Variants in DCC observed in about 807,000 individuals in gnomAD.
DCC encodes DCC netrin 1 receptor, also known as netrin receptor DCC.
DCC carries 58 observed loss-of-function variants against 172.5 expected under a neutral mutation model. That is an observed-to-expected ratio of 0.34 (90% confidence interval 0.27 to 0.42). The LOEUF (loss-of-function observed/expected upper bound fraction) is 0.42, where lower values mean the gene tolerates loss of function less well. Among genes scored for constraint, DCC ranks in the 10% least tolerant of loss-of-function variants. DCC has a pLI of 1.00. For missense variants in DCC, 1,740 were observed against 1,791.0 expected (o/e 0.97, Z 0.51); for synonymous variants, 709 against 644.5 (o/e 1.10, Z -1.52).
chr18:53,466,406 G>A (rs538501367), intron 24 of DCC, among the ~76,000 whole-genome samples: 2 of 152,328 alleles, frequency 1.3e-5, no homozygotes, highest in South Asian at 4.1e-4. Context: ...CTTTGTGGCT[G>A]TAGCTTGAGA....
intron 17 of DCC, among the ~76,000 whole-genome samples, chr18:53,396,813 A>C (rs1908974323): frequency 6.6e-6 from 1 of 152,212 alleles, no homozygotes. Flanking sequence ...TGCCAAAAAA[A>C]CCACAGATTT....
At chr18:53,056,495 C>G (rs921167463) in intron 5 of DCC, among the ~76,000 whole-genome samples, 10 of 152,100 alleles carry the variant, frequency 6.6e-5, no homozygotes, top group Non-Finnish European at 1.3e-4. Context: ...ACAATGGCTC[C>G]TTAAAGTGAA....
At position 52,949,729 on chromosome 18, in the gene DCC, A is replaced by G. The variant is rs115440787; in HGVS notation, c.985+24359A>G. On this transcript the variant is annotated intron_variant, in intron 5 of 28. Transcript: ENST00000442544. ...TGAACCTGCAGGACAGACAGTGGCAACACTCTTGTCAAGGAGCCAGAGTCT... is the reference window on the plus strand; with the variant it reads ...TGAACCTGCAGGACAGACAGTGGCAGCACTCTTGTCAAGGAGCCAGAGTCT... 5.4e-3 allele frequency among the ~76,000 whole-genome samples: 817 copies of G among 152,330 alleles called. 9 individuals carry two copies. The highest frequency in any genetic ancestry group is 0.018 in the African/African-American group (746 of 41,572).
chr18:52,903,813 C>T (rs1204142280), intron 2 of DCC, among the ~76,000 whole-genome samples: 3 of 152,212 alleles, frequency 2.0e-5, no homozygotes, highest in Non-Finnish European at 2.9e-5. Flanking sequence ...GTGGTAGACA[C>T]AGATCATGCT....
intron 5 of DCC, among the ~76,000 whole-genome samples, chr18:53,048,544 CAT>C (rs1388630942): frequency 5.6e-5 from 8 of 143,384 alleles, no homozygotes; most frequent in Non-Finnish European, 7.6e-5. Flanking sequence ...TATACACACA[CAT>C]ATATATGCAT....
At chr18:52,874,777 T>C (rs2039376889) in intron 2 of DCC, among the ~76,000 whole-genome samples, 1 of 151,966 alleles carries the variant, frequency 6.6e-6, no homozygotes, top group African/African-American at 2.4e-5. Context: ...TTAGAGGTCA[T>C]AGAGACAGAA....
chr18:53,497,588 G>A (rs892953040), intron 26 of DCC, among the ~76,000 whole-genome samples: 9 of 152,174 alleles, frequency 5.9e-5, no homozygotes, highest in Non-Finnish European at 1.3e-4. Flanking sequence ...TCAAACCTGA[G>A]TAATTTTCAT....
chr18:52,560,020 G>A (rs977333376), intron 1 of DCC, among the ~76,000 whole-genome samples: 47 of 152,090 alleles, frequency 3.1e-4, no homozygotes, highest in Non-Finnish European at 4.4e-5. Flanking sequence ...CTCTTATTGC[G>A]TATATTCCAT....
chr18:52,840,512 C>T (rs2038785404), intron 2 of DCC, among the ~76,000 whole-genome samples: 2 of 152,084 alleles, frequency 1.3e-5, no homozygotes, highest in South Asian at 2.1e-4. Flanking sequence ...AACTAATCAG[C>T]TTGGTATTTT....
chr18:53,380,789 C>T (rs569040423), intron 15 of DCC, among the ~76,000 whole-genome samples: 76 of 152,274 alleles, frequency 5.0e-4, no homozygotes, highest in African/African-American at 1.8e-3. Context: ...GGACTCCTAG[C>T]TCTATGGGAT....
chr18:52,826,636 A>G (rs1284020159), intron 2 of DCC, among the ~76,000 whole-genome samples: 1 of 151,856 alleles, frequency 6.6e-6, no homozygotes, highest in Non-Finnish European at 1.5e-5. Flanking sequence ...GAGCCACCAC[A>G]CTCAGCTAAT....
At chr18:53,472,330 A>C (rs940486097) in intron 25 of DCC, among the ~76,000 whole-genome samples, 2 of 152,134 alleles carry the variant, frequency 1.3e-5, no homozygotes, top group Non-Finnish European at 2.9e-5. Context: ...CTGATTTCAG[A>C]GTTCAGTGTT....
intron 2 of DCC, among the ~76,000 whole-genome samples, chr18:52,777,519 C>T (rs1450110707): frequency 2.6e-5 from 4 of 152,178 alleles, no homozygotes; most frequent in African/African-American, 9.6e-5. Flanking sequence ...GAATGATCAT[C>T]TCATCTCAAG....
chr18:53,222,665 C>A (rs530434133), intron 12 of DCC, among the ~76,000 whole-genome samples: 1 of 146,138 alleles, frequency 6.8e-6, no homozygotes, highest in Non-Finnish European at 1.5e-5. Flanking sequence ...AGATTACAGG[C>A]GTGAACCACC....
chr18:52,537,189 A>G (rs1019097103), intron 1 of DCC, among the ~76,000 whole-genome samples: 4 of 152,192 alleles, frequency 2.6e-5, no homozygotes, highest in African/African-American at 4.8e-5. Context: ...ACAAACAGAA[A>G]CTGAAAACAA....
intron 7 of DCC, among the ~76,000 whole-genome samples, chr18:53,107,348 A>G (rs1280673190): frequency 2.6e-5 from 4 of 151,858 alleles, no homozygotes; most frequent in Middle Eastern, 6.8e-3. Flanking sequence ...TCCTTCTATT[A>G]CCCTTCTACT....
chr18:53,459,630 T>G (rs2045527072), intron 24 of DCC, among the ~76,000 whole-genome samples, 172 bp downstream of exon 24: 1 of 152,240 alleles, frequency 6.6e-6, no homozygotes, highest in Non-Finnish European at 1.5e-5. Flanking sequence ...TTATATGTCT[T>G]TCTTCATCCT....
chr18:53,297,176 T>A lies in DCC; in HGVS notation c.1912-8402T>A, dbSNP rs76124739. Among the ~76,000 whole-genome samples the A allele has an allele frequency of 5.4e-3, 817 of 152,228 alleles. 6 individuals carry two copies. The highest frequency in any genetic ancestry group is 0.023 in the Admixed American group (347 of 15,280). On this transcript the variant is annotated intron_variant, in intron 12 of 28. Coordinates refer to ENST00000442544, the MANE Select transcript of DCC (RefSeq NM_005215.4). ...ACTTACTACTCTTGTACGTCTACAG[T>A]GGAGAAAACAGAAAGCAGTGTTTTA...
At chr18:52,479,572 C>T in intron 1 of DCC, among the ~76,000 whole-genome samples, 1 of 68,290 alleles carries the variant, frequency 1.5e-5, no homozygotes, top group East Asian at 4.6e-4. Flanking sequence ...CACTCCCTAC[C>T]TCCCTCCACC....
Sources: gnomAD v4.1 joint callset for allele counts (sites outside exome capture counted in the v4.1 genomes callset) on GRCh38, gnomAD v4.1.1 for gene constraint, MANE v1.5 for transcripts, NCBI Gene and HGNC (gene_info 2026-07-23, HGNC 2026-07-21) for gene names.